The following NRXN3 variants were observed in gnomAD, a reference collection of about 807,000 sequenced individuals.
NRXN3 encodes neurexin 3, also known as neurexin III.
NRXN3 carries 32 observed loss-of-function variants against 137.6 expected under a neutral mutation model. The ratio of observed to expected loss-of-function variants is 0.23; its 90% CI spans 0.18 to 0.31. The LOEUF (loss-of-function observed/expected upper bound fraction) is 0.31, where lower values mean the gene tolerates loss of function less well. NRXN3 is among the 10% of genes least tolerant of loss of function. The pLI is 1.00. For missense variants in NRXN3, 1,574 were observed against 2,062.5 expected, an observed-to-expected ratio of 0.76 and a Z score of 4.59; for synonymous variants, 798 against 784.5, an observed-to-expected ratio of 1.02 and a Z score of -0.29.
chr14:78,358,346 A>T (rs1168030495), intron 4 of NRXN3, among the ~76,000 whole-genome samples: 1 of 152,132 alleles, frequency 6.6e-6, no homozygotes, highest in Non-Finnish European at 1.5e-5. Flanking sequence ...CTGATAGGAA[A>T]GTGAGGCACA....
intron 15 of NRXN3, among the ~76,000 whole-genome samples, chr14:79,184,584 C>T (rs561502324): frequency 1.3e-5 from 2 of 152,174 alleles, no homozygotes; most frequent in African/African-American, 2.4e-5. Flanking sequence ...TCCCCTGCCC[C>T]CATGCTAACC....
chr14:79,698,035 T>A, intron 19 of NRXN3, 98 bp downstream of exon 19: 2 of 1,101,610 alleles, frequency 1.8e-6, no homozygotes, highest in Non-Finnish European at 2.6e-6. Context: ...TTTGAATTAC[T>A]ATGTAAGAAG....
At chr14:78,727,001 C>G (rs1339083466) in intron 8 of NRXN3, among the ~76,000 whole-genome samples, 1 of 147,446 alleles carries the variant, frequency 6.8e-6, no homozygotes, top group Non-Finnish European at 1.5e-5. Flanking sequence ...GCTTATCATG[C>G]CATGGATCCT....
At chr14:78,845,484 T>C (rs2099023926) in intron 10 of NRXN3, among the ~76,000 whole-genome samples, 1 of 152,052 alleles carries the variant, frequency 6.6e-6, no homozygotes, top group Non-Finnish European at 1.5e-5. Context: ...TGCATTTATA[T>C]TCTTGTTTAA....
chr14:78,282,383 T>C (rs2272582), intron 3 of NRXN3: 97,350 of 322,608 alleles, frequency 0.3, 15,743 homozygotes, highest in South Asian at 0.36. Flanking sequence ...CCTCCCCCAG[T>C]GCTTCTCCCT....
intron 15 of NRXN3, among the ~76,000 whole-genome samples, chr14:79,067,428 T>C (rs578024647): frequency 6.6e-6 from 1 of 152,244 alleles, no homozygotes; most frequent in African/African-American, 2.4e-5. Flanking sequence ...GAATTTTTCT[T>C]TTTTTGTTGT....
intron 6 of NRXN3, among the ~76,000 whole-genome samples, chr14:78,675,072 A>G (rs1255513381): frequency 6.6e-6 from 1 of 152,218 alleles, no homozygotes; most frequent in African/African-American, 2.4e-5. Context: ...CAGACTCTGA[A>G]GAAGCACTTA....
intron 15 of NRXN3, among the ~76,000 whole-genome samples, chr14:79,089,470 C>T (rs977202715): frequency 7.2e-5 from 11 of 152,096 alleles, no homozygotes; most frequent in Non-Finnish European, 1.2e-4. Context: ...TGGGCACTAT[C>T]TTTTCAGATA....
intron 4 of NRXN3, among the ~76,000 whole-genome samples, chr14:78,568,715 A>G (rs1383709412): frequency 6.6e-6 from 1 of 152,144 alleles, no homozygotes. Context: ...TACTGACTGC[A>G]TATTGAAATG....
chr14:79,804,968 G>A (rs773374288), intron 19 of NRXN3, 144 bp from the exon 20 acceptor site: 13 of 608,298 alleles, frequency 2.1e-5, no homozygotes, highest in South Asian at 1.2e-4. Context: ...TTCATCCTAC[G>A]GTATGCCCTC....
At chr14:79,560,485 A>G (rs2097481378) in intron 16 of NRXN3, among the ~76,000 whole-genome samples, 1 of 139,118 alleles carries the variant, frequency 7.2e-6, no homozygotes, top group Admixed American at 7.5e-5. Context: ...ACTTAATTCT[A>G]CAAGGACAAG....
chr14:78,328,303 A>G (rs2080350703), intron 4 of NRXN3, among the ~76,000 whole-genome samples: 1 of 152,194 alleles, frequency 6.6e-6, no homozygotes, highest in Non-Finnish European at 1.5e-5. Context: ...GCTATTTCTC[A>G]GGGTAAGCTT....
At chr14:78,234,725 A>G (rs1388875277) in intron 1 of NRXN3, among the ~76,000 whole-genome samples, 3 of 152,134 alleles carry the variant, frequency 2.0e-5, no homozygotes, top group Non-Finnish European at 4.4e-5. Context: ...CTACTAACAT[A>G]TAAGTGCCTT....
At chr14:79,562,805 T>C (rs1465511851) in intron 16 of NRXN3, among the ~76,000 whole-genome samples, 2 of 152,204 alleles carry the variant, frequency 1.3e-5, no homozygotes, top group African/African-American at 2.4e-5. Context: ...CTTCTAGGAC[T>C]GTACAAATAA....
intron 8 of NRXN3, among the ~76,000 whole-genome samples, chr14:78,792,046 TAAAGTTA>T (rs1439227443): frequency 6.7e-6 from 1 of 148,886 alleles, no homozygotes; most frequent in African/African-American, 2.5e-5. Context: ...AACAGAACAA[TAAAGTTA>T]AAAAAAGGAA....
At chr14:79,853,155 G>A (rs1049760893) in intron 20 of NRXN3, among the ~76,000 whole-genome samples, 11 of 152,222 alleles carry the variant, frequency 7.2e-5, no homozygotes, top group East Asian at 3.9e-4. Context: ...AACCCAGTGC[G>A]TGGGCCCCCT....
Position 79,545,996 on chromosome 14 carries a change from A to C in NRXN3, c.3444+78594A>C, listed in dbSNP as rs551874865. 2.7e-4 allele frequency among the ~76,000 whole-genome samples: 41 copies of C among 152,194 alleles called. 1 individual carries two copies. The highest frequency in any genetic ancestry group is 6.8e-3 in the Middle Eastern group (2 of 294). On this transcript the variant is annotated intron_variant, in intron 16 of 20. Transcript: ENST00000335750. ...GTTCTCCTGATAGTGAGTAAGTCTC[A>C]TGAGGTCTGATGGTTATTATAAGGG...
chr14:79,643,144 C>T (rs892816892), intron 16 of NRXN3, among the ~76,000 whole-genome samples: 2 of 136,016 alleles, frequency 1.5e-5, no homozygotes, highest in African/African-American at 2.4e-5. Flanking sequence ...TCACAAGCTT[C>T]GTAGAGACCA....
chr14:78,715,464 C>A (rs1299504613), intron 8 of NRXN3, among the ~76,000 whole-genome samples: 2 of 152,268 alleles, frequency 1.3e-5, no homozygotes, highest in East Asian at 3.9e-4. Context: ...TTTATTCATT[C>A]ATTTGACTTG....
Sources: gnomAD v4.1 joint callset for allele counts (sites outside exome capture counted in the v4.1 genomes callset) on GRCh38, gnomAD v4.1.1 for gene constraint, MANE v1.5 for transcripts, NCBI Gene and HGNC (gene_info 2026-07-23, HGNC 2026-07-21) for gene names.